CSMD1: variants seen among roughly 807,000 people sequenced by gnomAD.
CSMD1 encodes CUB and sushi domain-containing protein 1.
CSMD1 carries 213 observed loss-of-function variants against 417.5 expected under a neutral mutation model. That is an observed-to-expected ratio of 0.51 (90% CI 0.46 to 0.57). CSMD1 has a LOEUF of 0.57. CSMD1 is among the 20% of genes least tolerant of loss of function. The pLI, the probability that CSMD1 is intolerant of heterozygous loss-of-function variation, is 0.00. For missense variants in CSMD1, 6,923 were observed against 4,529.7 expected (o/e 1.53, Z -15.17); for synonymous variants, 2,862 against 1,736.8 (o/e 1.65, Z -16.11).
At chr8:3,682,091 G>C (rs1426635910) in intron 7 of CSMD1, among the ~76,000 whole-genome samples, 1 of 152,110 alleles carries the variant, frequency 6.6e-6, no homozygotes, top group Non-Finnish European at 1.5e-5. Flanking sequence ...AAAAACCCTA[G>C]AAGAAAACCT....
intron 5 of CSMD1, among the ~76,000 whole-genome samples, chr8:3,803,489 T>A (rs185951060): frequency 2.2e-4 from 33 of 152,174 alleles, no homozygotes; most frequent in Middle Eastern, 6.8e-3. Context: ...AGAGGCTGAA[T>A]AACAAGAAGA....
intron 3 of CSMD1, among the ~76,000 whole-genome samples, chr8:4,313,280 G>T (rs540892218): frequency 2.0e-5 from 3 of 152,258 alleles, no homozygotes; most frequent in South Asian, 4.2e-4. Flanking sequence ...GCCCCAGGAA[G>T]AGAATGCGAA....
intron 23 of CSMD1, among the ~76,000 whole-genome samples, chr8:3,330,510 C>G (rs1374917502): frequency 6.6e-6 from 1 of 152,118 alleles, no homozygotes; most frequent in African/African-American, 2.4e-5. Flanking sequence ...AAACCAAATA[C>G]CGCGTGATCT....
intron 12 of CSMD1, among the ~76,000 whole-genome samples, chr8:3,455,671 A>C (rs1009743770): frequency 2.0e-5 from 3 of 152,158 alleles, no homozygotes; most frequent in African/African-American, 7.2e-5. Flanking sequence ...CTTCCTCTGG[A>C]AATTTTGTCT....
At chr8:4,606,947 T>C (rs1800906941) in intron 2 of CSMD1, among the ~76,000 whole-genome samples, 1 of 152,236 alleles carries the variant, frequency 6.6e-6, no homozygotes, top group African/African-American at 2.4e-5. Context: ...ATATAATTCA[T>C]CCTTTTCTTT....
At chr8:3,572,462 C>G (rs1178311539) in intron 10 of CSMD1, among the ~76,000 whole-genome samples, 1 of 152,102 alleles carries the variant, frequency 6.6e-6, no homozygotes, top group Non-Finnish European at 1.5e-5. Flanking sequence ...TTCTCCTGCC[C>G]AGCGTTTCTA....
chr8:3,821,402 C>T (rs781666101), intron 5 of CSMD1, among the ~76,000 whole-genome samples: 2 of 152,228 alleles, frequency 1.3e-5, no homozygotes, highest in Non-Finnish European at 2.9e-5. Flanking sequence ...TCACCACACA[C>T]ACGCGCATGT....
rs7837221 is a variant in CSMD1 at position 4,419,775 on chromosome 8, G to C, written c.415+178C>G. Among the ~76,000 whole-genome samples the C allele has an allele frequency of 6.8e-3, 1,041 of 152,262 alleles. 8 individuals are homozygous for C. Among genetic ancestry groups the C allele is most frequent in the African/African-American group, 0.024 (990 of 41,566 alleles). ...AAAATTGTGAACACGTTTTGGGCTG[G>C]AAAGTTTGGCGATTATAACAGTGTT... On this transcript the variant is annotated intron_variant, in intron 3 of 69. Coordinates refer to ENST00000635120, the MANE Select transcript of CSMD1 (RefSeq NM_033225.6).
At position 3,332,904 on chromosome 8, in the gene CSMD1, C is replaced by G. The variant is rs200204181; in HGVS notation, c.3631+10390G>C. On this transcript the variant is annotated intron_variant, in intron 23 of 69. Transcript: ENST00000635120. ...CTGAACATGGCAAGTGTGAGAGCAC[C>G]AGATGCCACGGAAGTGTCTGTTCTG... 2.6e-5 allele frequency among the ~76,000 whole-genome samples: 4 copies of G among 152,282 alleles called. No individual in the cohort carries two copies. The East Asian group carries it at 7.7e-4, about 29-fold the overall frequency.
chr8:4,398,242 A>G (rs555039880), intron 3 of CSMD1, among the ~76,000 whole-genome samples: 8 of 152,264 alleles, frequency 5.3e-5, no homozygotes, highest in Admixed American at 2.6e-4. Flanking sequence ...CACTCCAAGG[A>G]GGCTGTTGTA....
chr8:3,906,673 G>A (rs1384733694), intron 5 of CSMD1, among the ~76,000 whole-genome samples: 2 of 150,988 alleles, frequency 1.3e-5, no homozygotes, highest in African/African-American at 4.9e-5. Flanking sequence ...ACAGCAGAGA[G>A]AAAATAACTA....
chr8:3,449,730 C>A (rs533905292), intron 12 of CSMD1, among the ~76,000 whole-genome samples: 2 of 152,160 alleles, frequency 1.3e-5, no homozygotes, highest in East Asian at 3.9e-4. Flanking sequence ...GTTGGTCAGG[C>A]CTGTCTCAAA....
chr8:4,144,968 G>T (rs1804022522), intron 3 of CSMD1, among the ~76,000 whole-genome samples: 1 of 150,912 alleles, frequency 6.6e-6, no homozygotes, highest in Non-Finnish European at 1.5e-5. Flanking sequence ...AAACAGAAGG[G>T]AGGATAGCAT....
chr8:3,762,782 G>A (rs1410288116), intron 5 of CSMD1, among the ~76,000 whole-genome samples: 2 of 152,200 alleles, frequency 1.3e-5, no homozygotes, highest in African/African-American at 4.8e-5. Context: ...GAGTTAAGCT[G>A]CTGACCCTGA....
chr8:4,831,688 G>A (rs1479791703), intron 1 of CSMD1, among the ~76,000 whole-genome samples: 1 of 152,078 alleles, frequency 6.6e-6, no homozygotes, highest in East Asian at 1.9e-4. Context: ...TCAATGAAAT[G>A]GTCAATAAAT....
intron 40 of CSMD1, among the ~76,000 whole-genome samples, chr8:3,146,614 C>G (rs556905985): frequency 2.4e-4 from 36 of 152,302 alleles, no homozygotes; most frequent in African/African-American, 8.2e-4. Flanking sequence ...ATGCTGCCAA[C>G]TGCCTCAGTT....
chr8:3,537,688 T>A lies in CSMD1; in HGVS notation c.1344+37257A>T, dbSNP rs573150847. ...ACATATATTCATTTACAATACTTTG[T>A]ATTTGCAAAAATCATATATCACTTC... On this transcript the variant is annotated intron_variant, in intron 10 of 69. Coordinates refer to ENST00000635120, the MANE Select transcript of CSMD1 (RefSeq NM_033225.6). 2.6e-5 allele frequency among the ~76,000 whole-genome samples: 4 copies of A among 152,360 alleles called. No individual in the cohort carries two copies. In the South Asian group the frequency reaches 6.2e-4, roughly 24 times the overall value.
intron 26 of CSMD1, among the ~76,000 whole-genome samples, chr8:3,268,260 T>TC (rs1327918790): frequency 6.8e-6 from 1 of 147,692 alleles, no homozygotes; most frequent in Non-Finnish European, 1.5e-5. Flanking sequence ...CTTTCTCCCA[T>TC]CAGGGTGTGG....
intron 6 of CSMD1, among the ~76,000 whole-genome samples, chr8:3,718,641 G>C (rs761864718): frequency 1.3e-5 from 2 of 152,164 alleles, no homozygotes; most frequent in Non-Finnish European, 2.9e-5. Context: ...TGTCAAGGTA[G>C]TATGGAGGAT....
Sources: allele counts gnomAD v4.1 joint callset (sites outside exome capture counted in the v4.1 genomes callset), GRCh38; gene constraint gnomAD v4.1.1; transcripts MANE v1.5; gene names NCBI Gene and HGNC (gene_info 2026-07-23, HGNC 2026-07-21).